The following HCRTR2 variants were observed in gnomAD, a reference collection of about 807,000 sequenced individuals.
HCRTR2 encodes hypocretin receptor 2.
Under a neutral mutation model 49.0 loss-of-function variants are expected in HCRTR2, and 22 were observed. That is an observed-to-expected ratio of 0.45 (90% CI 0.32 to 0.64). The LOEUF is 0.64. Among genes scored for constraint, HCRTR2 ranks in the 30% least tolerant of loss-of-function variants. HCRTR2 has a pLI of 0.04. For synonymous variants in HCRTR2, 236 were observed against 205.3 expected (o/e 1.15, Z -1.28); for missense variants, 491 against 559.4 (o/e 0.88, Z 1.23).
intron 1 of HCRTR2, among the ~76,000 whole-genome samples, chr6:55,134,689 T>C (rs1341941510): frequency 6.6e-6 from 1 of 151,924 alleles, no homozygotes; most frequent in Non-Finnish European, 1.5e-5. Context: ...TTCTATGGGA[T>C]CAACTTTTTA....
At chr6:55,243,256 C>G (rs1247407909) in intron 1 of HCRTR2, among the ~76,000 whole-genome samples, 1 of 152,198 alleles carries the variant, frequency 6.6e-6, no homozygotes, top group Non-Finnish European at 1.5e-5. Flanking sequence ...CTTTTGCCCT[C>G]ATTTGCTCAA....
intron 1 of HCRTR2, among the ~76,000 whole-genome samples, chr6:55,247,269 G>A (rs963261316): frequency 2.0e-5 from 3 of 152,074 alleles, no homozygotes; most frequent in Non-Finnish European, 4.4e-5. Flanking sequence ...ATATTACCAC[G>A]TGAGAGTTAG....
chr6:55,245,998 T>C (rs9370406), intron 1 of HCRTR2, among the ~76,000 whole-genome samples: 26,305 of 151,894 alleles, frequency 0.17, 2,776 homozygotes, highest in Non-Finnish European at 0.24. Flanking sequence ...CCTTATGAGA[T>C]GATGGCCATG....
chr6:55,193,247 T>G (rs566687460), intron 1 of HCRTR2, among the ~76,000 whole-genome samples: 1 of 152,294 alleles, frequency 6.6e-6, no homozygotes, highest in South Asian at 2.1e-4. Context: ...TGCAATATGT[T>G]AAAGTAAAAC....
At chr6:55,178,810 A>T (rs1371208453) in intron 1 of HCRTR2, among the ~76,000 whole-genome samples, 1 of 152,226 alleles carries the variant, frequency 6.6e-6, no homozygotes, top group African/African-American at 2.4e-5. Context: ...AATGAAAGCC[A>T]TTCCTAACTA....
At chr6:55,158,643 G>T (rs1764762480) in intron 1 of HCRTR2, among the ~76,000 whole-genome samples, 1 of 152,184 alleles carries the variant, frequency 6.6e-6, no homozygotes, top group African/African-American at 2.4e-5. Flanking sequence ...CCATTACTGA[G>T]GTTTGAGTAA....
At chr6:55,255,413 T>C (rs1388943514) in intron 3 of HCRTR2, 34 bp downstream of exon 3, 3 of 1,612,428 alleles carry the variant, frequency 1.9e-6, no homozygotes, top group East Asian at 2.2e-5. Context: ...CTGACATTTA[T>C]ATTACAGCAG....
At chr6:55,179,513 A>G (rs1765095530) in intron 1 of HCRTR2, among the ~76,000 whole-genome samples, 4 of 152,170 alleles carry the variant, frequency 2.6e-5, no homozygotes, top group Admixed American at 2.6e-4. Context: ...TTAAAATCCC[A>G]ATGATAACTT....
intron 4 of HCRTR2, among the ~76,000 whole-genome samples, chr6:55,264,535 T>G (rs1467173321): frequency 6.6e-6 from 1 of 152,068 alleles, no homozygotes; most frequent in Non-Finnish European, 1.5e-5. Context: ...CATCATCAGA[T>G]GCAGGGCGAA....
In HCRTR2 at chr6:55,137,839, C is replaced by T. The variant is rs1339447983; in HGVS notation, c.-378+31294C>T. Among the ~76,000 whole-genome samples the T allele has an allele frequency of 3.3e-5, 5 of 152,126 alleles. No individual in the cohort carries two copies. The South Asian group carries it at 1.0e-3, about 32-fold the overall frequency. On this transcript the variant is annotated intron_variant, in intron 1 of 7. Transcript: ENST00000615358. ...TCTAGGCTGTAAAGAACCAAAAATA[C>T]CTTAGTTGTTATTGGAAATGTTTGA...
At chr6:55,251,589 G>A (rs1766551535) in intron 2 of HCRTR2, among the ~76,000 whole-genome samples, 1 of 151,978 alleles carries the variant, frequency 6.6e-6, no homozygotes, top group African/African-American at 2.4e-5. Flanking sequence ...TGAGATGTGG[G>A]AGGTGGGCAG....
upstream of HCRTR2, among the ~76,000 whole-genome samples, chr6:55,171,708 C>T (rs966738355): frequency 2.0e-5 from 3 of 152,066 alleles, no homozygotes; most frequent in African/African-American, 4.8e-5. Context: ...TAAAATAAAG[C>T]AGGTATCAGG....
chr6:55,172,072 C>T (rs1351218625), upstream of HCRTR2, among the ~76,000 whole-genome samples: 3 of 152,258 alleles, frequency 2.0e-5, no homozygotes, highest in East Asian at 5.8e-4. Context: ...TGCCGATGAA[C>T]TTGAACAAAG....
upstream of HCRTR2, among the ~76,000 whole-genome samples, chr6:55,173,111 G>T (rs115850392): frequency 3.9e-5 from 6 of 152,188 alleles, no homozygotes; most frequent in Non-Finnish European, 4.4e-5. Context: ...ATAAAGGAGC[G>T]CTGGGGCTGT....
intron 1 of HCRTR2, among the ~76,000 whole-genome samples, chr6:55,156,967 C>T (rs1764739921): frequency 6.6e-6 from 1 of 152,006 alleles, no homozygotes; most frequent in South Asian, 2.1e-4. Context: ...TGAATATTTT[C>T]CCCTAAGATC....
intron 1 of HCRTR2, among the ~76,000 whole-genome samples, chr6:55,150,472 C>CGA (rs1764649886): frequency 1.3e-5 from 2 of 151,956 alleles, no homozygotes; most frequent in African/African-American, 4.8e-5. Context: ...CTGAGACTTT[C>CGA]TACCCTTTGG....
intron 1 of HCRTR2, among the ~76,000 whole-genome samples, chr6:55,212,344 A>G (rs1483922849): frequency 6.6e-6 from 1 of 152,122 alleles, no homozygotes. Flanking sequence ...TAGAATCCCA[A>G]CTTTGTTCAA....
intron 1 of HCRTR2, among the ~76,000 whole-genome samples, chr6:55,149,182 T>A (rs1764631912): frequency 6.6e-6 from 1 of 152,138 alleles, no homozygotes; most frequent in African/African-American, 2.4e-5. Flanking sequence ...CTAAAGCTGT[T>A]TTATTTTTTT....
intron 1 of HCRTR2, among the ~76,000 whole-genome samples, chr6:55,175,145 G>A (rs1765017493): frequency 6.6e-6 from 1 of 152,002 alleles, no homozygotes. Context: ...GGGTGGGTAG[G>A]TGGGGGAGTC....
Sources: gnomAD v4.1 joint callset for allele counts (sites outside exome capture counted in the v4.1 genomes callset) on GRCh38, gnomAD v4.1.1 for gene constraint, MANE v1.5 for transcripts, NCBI Gene and HGNC (gene_info 2026-07-23, HGNC 2026-07-21) for gene names.